TMEM135: variants seen among roughly 807,000 people sequenced by gnomAD.
The protein encoded by TMEM135 is peroxisomal membrane protein 52.
Under a neutral mutation model 60.3 loss-of-function variants are expected in TMEM135, and 30 were observed. The observed-to-expected ratio is 0.50, with a 90% CI of 0.37 to 0.68. The LOEUF is 0.68. Ranked by LOEUF, TMEM135 falls within the 30% of genes least tolerant of loss-of-function variation. TMEM135 has a pLI of 0.00. For synonymous variants in TMEM135, 190 were observed against 186.7 expected, an observed-to-expected ratio of 1.02 and a Z score of -0.14; for missense variants, 468 against 548.8, an observed-to-expected ratio of 0.85 and a Z score of 1.47.
rs3045930 is a variant in TMEM135 at position 87,038,609 on chromosome 11, C to CTT, written c.141+442_141+443dup. 7.4e-3 allele frequency among the ~76,000 whole-genome samples: 841 copies of CTT among 113,878 alleles called. 20 individuals carry two copies. The highest frequency in any genetic ancestry group is 0.026 in the African/African-American group (783 of 30,018). 74.7% of individuals were successfully genotyped at this position (113,878 alleles called of 152,430 possible). A position where few individuals can be genotyped will look rare whatever the true frequency, so the allele number is the denominator to read the frequency against. ...ATCTAGTTTCCCCTGTTTTATTTTG[C>CTT]TTTTTTTTTTTTTTTTTTTTAATGA... On this transcript the variant is annotated intron_variant, in intron 1 of 14. Coordinates refer to ENST00000305494, the MANE Select transcript of TMEM135 (RefSeq NM_022918.4).
At chr11:87,067,883 A>T (rs1856697449) in intron 2 of TMEM135, 62 bp downstream of exon 2, 2 of 1,590,512 alleles carry the variant, frequency 1.3e-6, no homozygotes, top group African/African-American at 2.7e-5. Flanking sequence ...GGAAACAAGT[A>T]TGTGTTTACA....
intron 5 of TMEM135, among the ~76,000 whole-genome samples, chr11:87,198,182 T>C (rs1355724562): frequency 6.6e-6 from 1 of 152,178 alleles, no homozygotes; most frequent in African/African-American, 2.4e-5. Context: ...ACCATCCTCC[T>C]CAGTTCTATT....
At chr11:87,191,982 C>CTTTTTT (rs767550753) in intron 5 of TMEM135, among the ~76,000 whole-genome samples, 1,752 of 93,484 alleles carry the variant, frequency 0.019, 130 homozygotes, top group South Asian at 0.03. Flanking sequence ...CTTTTCTTTT[C>CTTTTTT]TTTTCTTTTT....
At chr11:87,207,094 T>C (rs958446088) in intron 5 of TMEM135, among the ~76,000 whole-genome samples, 3 of 152,138 alleles carry the variant, frequency 2.0e-5, no homozygotes, top group Admixed American at 6.5e-5. Flanking sequence ...ATTAAACTCA[T>C]TGATGATTAG....
At position 87,322,326 on chromosome 11, in the gene TMEM135, T is replaced by C; in HGVS notation, c.*993T>C. ...GGATGTTTTGCACCTGAAAACACTA[T>C]AAAAATCCAGTGGTTGTTTAAAAAG... is the stretch of plus-strand genomic sequence containing the variant. On this transcript the variant is annotated 3_prime_UTR_variant, in exon 15 of 15. Transcript: ENST00000305494. The C allele has an allele frequency of 2.2e-6, 1 of 454,070 alleles. No homozygotes were observed. The highest frequency in any genetic ancestry group is 4.4e-6 in the Non-Finnish European group (1 of 226,736). The allele number at this position is 454,070 out of a possible 1,614,324, so 28.1% of individuals were successfully genotyped here. A position where few individuals can be genotyped will look rare whatever the true frequency, so the allele number is the denominator to read the frequency against.
At chr11:87,268,264 T>A (rs1941793156) in intron 6 of TMEM135, among the ~76,000 whole-genome samples, 1 of 56,898 alleles carries the variant, frequency 1.8e-5, no homozygotes, top group South Asian at 4.2e-4. Flanking sequence ...GATATTTATT[T>A]ATTTATTTAT....
chr11:87,222,131 G>A (rs1254678208), intron 5 of TMEM135, among the ~76,000 whole-genome samples: 2 of 126,424 alleles, frequency 1.6e-5, no homozygotes. Context: ...GCAGTGAGCC[G>A]AGATAGCGCC....
chr11:87,169,334 T>G (rs1207474981), intron 5 of TMEM135, among the ~76,000 whole-genome samples: 1 of 150,882 alleles, frequency 6.6e-6, no homozygotes, highest in Non-Finnish European at 1.5e-5. Flanking sequence ...GTGAATTTGA[T>G]CCTGTCATTA....
At chr11:87,140,765 T>G (rs947305540) in intron 4 of TMEM135, among the ~76,000 whole-genome samples, 1 of 152,376 alleles carries the variant, frequency 6.6e-6, no homozygotes, top group Admixed American at 6.5e-5. Flanking sequence ...TTTTGAGCTC[T>G]AACATTTAAG....
At chr11:87,122,178 A>G (rs1255966939) in intron 4 of TMEM135, among the ~76,000 whole-genome samples, 1 of 152,084 alleles carries the variant, frequency 6.6e-6, no homozygotes, top group Admixed American at 6.5e-5. Flanking sequence ...TATACATATT[A>G]AAGCAAATTA....
At chr11:87,075,053 C>A (rs771847886) in intron 3 of TMEM135, among the ~76,000 whole-genome samples, 1 of 152,106 alleles carries the variant, frequency 6.6e-6, no homozygotes, top group African/African-American at 2.4e-5. Flanking sequence ...GATCCTCTTG[C>A]CTTAACACCA....
intron 3 of TMEM135, among the ~76,000 whole-genome samples, chr11:87,090,456 ATAATAT>A (rs1384428317): frequency 2.0e-5 from 3 of 152,256 alleles, no homozygotes; most frequent in Admixed American, 6.5e-5. Context: ...GATTTCATTG[ATAATAT>A]TAATATGAAG....
chr11:87,307,897 C>G (rs528430402), intron 9 of TMEM135, among the ~76,000 whole-genome samples: 1 of 152,164 alleles, frequency 6.6e-6, no homozygotes, highest in Non-Finnish European at 1.5e-5. Flanking sequence ...ACCTGCCAGC[C>G]TCTTAATTGG....
At chr11:87,265,628 T>A (rs1222845412) in intron 6 of TMEM135, among the ~76,000 whole-genome samples, 1 of 152,064 alleles carries the variant, frequency 6.6e-6, no homozygotes, top group Non-Finnish European at 1.5e-5. Flanking sequence ...AAGATGAATT[T>A]AACCCAATCA....
chr11:87,305,769 T>A (rs1160810691), intron 8 of TMEM135, among the ~76,000 whole-genome samples, 167 bp from the exon 9 acceptor site: 1 of 132,606 alleles, frequency 7.5e-6, no homozygotes, highest in Non-Finnish European at 1.7e-5. Context: ...GAGCGAGACT[T>A]TATCTCAAAA....
chr11:87,071,282 A>G (rs572863059), intron 2 of TMEM135, among the ~76,000 whole-genome samples: 1 of 152,322 alleles, frequency 6.6e-6, no homozygotes, highest in Admixed American at 6.5e-5. Flanking sequence ...GTTGAGGATG[A>G]CGCCTGTCAA....
At position 87,130,749 on chromosome 11, in the gene TMEM135, A is replaced by G. The variant is rs567512225; in HGVS notation, c.397-26592A>G. 3.3e-5 allele frequency among the ~76,000 whole-genome samples: 5 copies of G among 152,176 alleles called. No homozygotes were observed. The South Asian group carries it at 1.0e-3, about 32-fold the overall frequency. ...GCTCCTGGCCTCAAGCGCTCTTCCT[A>G]TCTTGGCCTCCCAAAGTGCTGGGTT... On this transcript the variant is annotated intron_variant, in intron 4 of 14. Transcript: ENST00000305494.
At chr11:87,089,180 A>G (rs935995660) in intron 3 of TMEM135, among the ~76,000 whole-genome samples, 2 of 152,174 alleles carry the variant, frequency 1.3e-5, no homozygotes, top group African/African-American at 2.4e-5. Flanking sequence ...AAAATTGGAA[A>G]CACTTCTAGT....
Position 87,318,134 on chromosome 11 carries a change from C to T in TMEM135, c.1078-3C>T. On this transcript the variant is annotated splice_polypyrimidine_tract_variant and splice_region_variant and intron_variant, in intron 12 of 14. Transcript: ENST00000305494. ...TAACTCTTGTCTTATGCTTGTTTTG[C>T]AGACAATGTATTTCAAAGGCATTGA... 2 of 1,609,262 alleles carry T rather than the reference C, an allele frequency of 1.2e-6. No individual in the cohort carries two copies. Among genetic ancestry groups the T allele is most frequent in the Non-Finnish European group, 1.7e-6 (2 of 1,176,696 alleles).
Sources: gnomAD v4.1 joint callset for allele counts (sites outside exome capture counted in the v4.1 genomes callset) on GRCh38, gnomAD v4.1.1 for gene constraint, MANE v1.5 for transcripts, NCBI Gene and HGNC (gene_info 2026-07-23, HGNC 2026-07-21) for gene names.